Variants in ARID4A observed in about 807,000 individuals in gnomAD.
ARID4A encodes AT-rich interactive domain-containing protein 4A.
Under a neutral mutation model 148.6 loss-of-function variants are expected in ARID4A, and 39 were observed. The ratio of observed to expected loss-of-function variants is 0.26; its 90% CI spans 0.20 to 0.34. The LOEUF (loss-of-function observed/expected upper bound fraction) is 0.34. Among genes scored for constraint, ARID4A ranks in the 10% least tolerant of loss-of-function variants. ARID4A has a pLI of 1.00. For synonymous variants in ARID4A, 475 were observed against 481.2 expected, an observed-to-expected ratio of 0.99 and a Z score of 0.17; for missense variants, 1,265 against 1,449.1, an observed-to-expected ratio of 0.87 and a Z score of 2.06.
chr14:58,355,654 G>T (rs1390673131), intron 17 of ARID4A, among the ~76,000 whole-genome samples: 1 of 152,148 alleles, frequency 6.6e-6, no homozygotes, highest in African/African-American at 2.4e-5. Flanking sequence ...AGTGCTCCAT[G>T]AATGTTAACT....
At chr14:58,316,384 G>A (rs898766385) in intron 5 of ARID4A, among the ~76,000 whole-genome samples, 3 of 152,082 alleles carry the variant, frequency 2.0e-5, no homozygotes, top group Non-Finnish European at 4.4e-5. Flanking sequence ...GGGGCAATGA[G>A]GTACCTTCTG....
At chr14:58,369,907 C>T (rs1243832471) in intron 23 of ARID4A, 1 of 152,214 alleles carries the variant, frequency 6.6e-6, no homozygotes, top group African/African-American at 2.4e-5. Flanking sequence ...GAGGGGAAAG[C>T]TCCAGAAGGG....
intron 3 of ARID4A, among the ~76,000 whole-genome samples, chr14:58,302,334 A>G (rs1219445790): frequency 6.6e-6 from 1 of 152,160 alleles, no homozygotes; most frequent in African/African-American, 2.4e-5. Context: ...TCTCTACTAA[A>G]AATACAAAAA....
chr14:58,333,323 C>CA (rs2033635758), intron 11 of ARID4A, among the ~76,000 whole-genome samples: 1 of 151,838 alleles, frequency 6.6e-6, no homozygotes, highest in Admixed American at 6.6e-5. Context: ...TCAAAAAGTC[C>CA]ATGTAAACAT....
intron 8 of ARID4A, among the ~76,000 whole-genome samples, chr14:58,327,617 T>C (rs1411684315): frequency 6.6e-6 from 1 of 152,110 alleles, no homozygotes; most frequent in Non-Finnish European, 1.5e-5. Flanking sequence ...TTTTGGACAA[T>C]AATTTAGCTT....
intron 5 of ARID4A, among the ~76,000 whole-genome samples, chr14:58,308,915 T>G (rs2031808801): frequency 6.6e-6 from 1 of 152,232 alleles, no homozygotes; most frequent in Non-Finnish European, 1.5e-5. Flanking sequence ...CATTGCTGGT[T>G]TGGATCAAAT....
intron 11 of ARID4A, among the ~76,000 whole-genome samples, chr14:58,330,542 G>A (rs568098625): frequency 2.0e-5 from 3 of 152,202 alleles, no homozygotes; most frequent in Admixed American, 6.5e-5. Context: ...TTAAAGGTAA[G>A]GAAAGGGAGA....
intron 11 of ARID4A, among the ~76,000 whole-genome samples, chr14:58,335,449 G>C (rs994147911): frequency 4.0e-5 from 6 of 151,804 alleles, no homozygotes; most frequent in African/African-American, 1.4e-4. Flanking sequence ...AAGTAACTGA[G>C]ATTACAGGCA....
At chr14:58,338,236 G>C (rs1211460738) in intron 11 of ARID4A, among the ~76,000 whole-genome samples, 1 of 152,110 alleles carries the variant, frequency 6.6e-6, no homozygotes, top group Non-Finnish European at 1.5e-5. Context: ...ATTAAAGTGG[G>C]TGAGTACAGC....
chr14:58,367,228 T>C (rs1290978189), intron 23 of ARID4A, among the ~76,000 whole-genome samples, 199 bp downstream of exon 23: 1 of 152,226 alleles, frequency 6.6e-6, no homozygotes, highest in Non-Finnish European at 1.5e-5. Flanking sequence ...GAGTATGAAC[T>C]GTTTTCCAAA....
At chr14:58,316,871 C>T (rs1009277308) in intron 5 of ARID4A, among the ~76,000 whole-genome samples, 14 of 151,148 alleles carry the variant, frequency 9.3e-5, no homozygotes, top group African/African-American at 2.9e-4. Flanking sequence ...GGAGTCACCG[C>T]GCCCGGCCAA....
At chr14:58,328,551 A>G (rs76485109) in intron 9 of ARID4A, among the ~76,000 whole-genome samples, 1 of 151,620 alleles carries the variant, frequency 6.6e-6, no homozygotes, top group Non-Finnish European at 1.5e-5. Flanking sequence ...TTTTTTTTTT[A>G]GCAAAAGATG....
intron 5 of ARID4A, among the ~76,000 whole-genome samples, chr14:58,311,539 A>G (rs905266988): frequency 3.3e-5 from 5 of 152,184 alleles, no homozygotes; most frequent in African/African-American, 1.2e-4. Flanking sequence ...AAGTTCCTCA[A>G]AAAATTAAAA....
rs772076653 is a variant in ARID4A at position 58,364,470 on chromosome 14, G to C, written c.2381G>C (p.Gly794Ala). The C allele has an allele frequency of 2.5e-6, 4 of 1,613,094 alleles. No individual in the cohort carries two copies. The highest frequency in any genetic ancestry group is 3.4e-6 in the Non-Finnish European group (4 of 1,179,820). The change falls in exon 20 of 24, where the codon GGA (glycine) becomes GCA (alanine). Residue 794 changes from glycine to alanine, a missense_variant. This residue lies in a region of ARID4A where 666 missense variants were observed against 730.9 expected (regional missense o/e 0.91). Coordinates refer to ENST00000355431, the MANE Select transcript of ARID4A (RefSeq NM_002892.4). ...KEAEKSPKGK[G>A]RRSKTKDLSL... is the part of the protein sequence containing the mutation. The stretch of plus-strand genomic sequence containing the variant: ...GCCGAAAAATCTCCAAAAGGAAAGG[G>C]AAGACGAAGCAAGACAAAAGATCTT...
At chr14:58,345,285 A>C (rs2034305982) in intron 12 of ARID4A, among the ~76,000 whole-genome samples, 1 of 152,232 alleles carries the variant, frequency 6.6e-6, no homozygotes, top group Non-Finnish European at 1.5e-5. Context: ...GTGAGAAAAT[A>C]TTTTGATACA....
chr14:58,332,634 A>G (rs1267274273), intron 11 of ARID4A, among the ~76,000 whole-genome samples: 1 of 152,134 alleles, frequency 6.6e-6, no homozygotes, highest in African/African-American at 2.4e-5. Flanking sequence ...GAGGAGGGGA[A>G]TGACTATGAT....
chr14:58,334,339 A>G (rs1213387458), intron 11 of ARID4A, among the ~76,000 whole-genome samples: 1 of 152,216 alleles, frequency 6.6e-6, no homozygotes, highest in South Asian at 2.1e-4. Flanking sequence ...GTTAACTGAT[A>G]AAATACAAGA....
At chr14:58,365,467 C>CTTTTTTTTT (rs71107938) in intron 20 of ARID4A, 51 bp from the exon 21 acceptor site, 31 of 351,572 alleles carry the variant, frequency 8.8e-5, no homozygotes, top group Middle Eastern at 7.5e-4. Context: ...TATACTTGCT[C>CTTTTTTTTT]TTTTTTTTTT....
At chr14:58,323,222 C>T (rs1360523618) in intron 7 of ARID4A, among the ~76,000 whole-genome samples, 1 of 151,204 alleles carries the variant, frequency 6.6e-6, no homozygotes, top group Non-Finnish European at 1.5e-5. Flanking sequence ...GTTTTTCTGT[C>T]CCAGCTGGTG....
Sources: gnomAD v4.1 joint callset for allele counts (sites outside exome capture counted in the v4.1 genomes callset) on GRCh38, gnomAD v4.1.1 for gene constraint, gnomAD v4.1.1 regional missense constraint, MANE v1.5 for transcripts, NCBI Gene and HGNC (gene_info 2026-07-23, HGNC 2026-07-21) for gene names.